Variants in RNF213 observed in about 807,000 individuals in gnomAD.
The protein encoded by RNF213 is ring finger protein 213, also known as E3 ubiquitin-protein ligase RNF213.
Under a neutral mutation model 514.4 loss-of-function variants are expected in RNF213, and 341 were observed. The ratio of observed to expected loss-of-function variants is 0.66; its 90% CI spans 0.61 to 0.73. The LOEUF is 0.73. Among genes scored for constraint, RNF213 ranks in the 30% least tolerant of loss-of-function variants. The pLI is 0.00. For synonymous variants in RNF213, 2,655 were observed against 2,658.2 expected, an observed-to-expected ratio of 1.00 and a Z score of 0.04; for missense variants, 5,767 against 6,615.6, an observed-to-expected ratio of 0.87 and a Z score of 4.45.
Position 80,383,896 on chromosome 17 carries a change from A to G in RNF213, c.14290A>G (p.Arg4764Gly). The change falls in exon 59 of 68, where the codon AGA (arginine) becomes GGA (glycine). Residue 4764 changes from arginine to glycine, a missense_variant. Physicochemically the swap from Arg to Gly is moderately radical, Grantham distance 125 (BLOSUM62 -2). This residue lies in a region of RNF213 where 1,245 missense variants were observed against 1,339.0 expected (regional missense o/e 0.93). Transcript: ENST00000582970. ...HIVEQKNGKE[R>G]VPILWHFLQK... ...TGTGGAACAGAAAAATGGCAAAGAAAGAGTGCCCATCCTCTGGCATTTCCT... is the reference window on the plus strand; with the variant it reads ...TGTGGAACAGAAAAATGGCAAAGAAGGAGTGCCCATCCTCTGGCATTTCCT... 6.2e-7 allele frequency: 1 copy of G among 1,614,218 alleles called. No individual in the cohort carries two copies. The highest frequency in any genetic ancestry group is 1.1e-5 in the South Asian group (1 of 91,082).
chr17:80,270,794 A>C (rs1056092791), intron 2 of RNF213, among the ~76,000 whole-genome samples: 14 of 152,122 alleles, frequency 9.2e-5, no homozygotes, highest in African/African-American at 3.4e-4. Context: ...GTGCTGGGTC[A>C]CCGTTGCCCA....
At chr17:80,286,752 A>G (rs1250555302) in intron 3 of RNF213, among the ~76,000 whole-genome samples, 2 of 152,052 alleles carry the variant, frequency 1.3e-5, no homozygotes, top group African/African-American at 4.8e-5. Flanking sequence ...ATCACACACC[A>G]CCAGGTTTCA....
chr17:80,372,800 A>G (rs1338266842), intron 48 of RNF213, 66 bp downstream of exon 48: 1 of 1,518,080 alleles, frequency 6.6e-7, no homozygotes, highest in Non-Finnish European at 9.1e-7. Context: ...TTCAGGAAGT[A>G]TGGGAAACTA....
intron 47 of RNF213, 141 bp downstream of exon 47, chr17:80,372,126 C>T (rs1255561461): frequency 2.2e-5 from 15 of 681,854 alleles, no homozygotes; most frequent in South Asian, 2.0e-4. Context: ...TTCAAAGACG[C>T]GGCTTCTGCC....
In RNF213 at chr17:80,291,151, G is replaced by A. The variant is rs899468267; in HGVS notation, c.1271+423G>A. Among the ~76,000 whole-genome samples the A allele has an allele frequency of 5.9e-5, 9 of 152,098 alleles. No homozygotes were observed. In the East Asian group the frequency reaches 1.5e-3, roughly 26 times the overall value. The stretch of plus-strand genomic sequence containing the variant: ...ATCCAGTGAGTTGATGACATTCTTC[G>A]GGTTCTGGAAGATGAATATTTCAGA... On this transcript the variant is annotated intron_variant, in intron 7 of 67. Transcript: ENST00000582970.
chr17:80,306,035 C>T (rs990956447), intron 11 of RNF213, among the ~76,000 whole-genome samples: 2 of 151,882 alleles, frequency 1.3e-5, no homozygotes, highest in African/African-American at 4.8e-5. Flanking sequence ...TCACTAGGTT[C>T]CCCAGGCTGG....
At chr17:80,340,606 G>GT in intron 26 of RNF213, 1 of 215,268 alleles carries the variant, frequency 4.6e-6, no homozygotes, top group Non-Finnish European at 8.4e-6. Context: ...AGTGTACTTT[G>GT]TGGTTTTTTT....
Position 80,289,888 on chromosome 17 carries a change from C to G in RNF213, c.1112+51C>G. The G allele has an allele frequency of 2.0e-6, 3 of 1,534,238 alleles. 1 individual carries two copies. In the South Asian group the frequency reaches 3.5e-5, roughly 18 times the overall value. On this transcript the variant is annotated intron_variant, in intron 6 of 67. Transcript: ENST00000582970. ...AAGGAGACCCTGCCTGAGAGCCCGG[C>G]ACACCCTCTCCCTGCACAACTCTCA... is the stretch of plus-strand genomic sequence containing the variant.
intron 13 of RNF213, among the ~76,000 whole-genome samples, chr17:80,308,234 C>T (rs61118700): frequency 0.29 from 44,677 of 151,486 alleles, 9,581 homozygotes; most frequent in African/African-American, 0.61. Flanking sequence ...ACGTCTCTGC[C>T]GATGTTGATC....
intron 36 of RNF213, among the ~76,000 whole-genome samples, chr17:80,358,039 A>G (rs151335315): frequency 6.6e-6 from 1 of 152,334 alleles, no homozygotes; most frequent in East Asian, 1.9e-4. Flanking sequence ...CCAGTAACCT[A>G]ATGACAGTTT....
chr17:80,307,035 T>G, intron 12 of RNF213, 93 bp from the exon 13 acceptor site: 1 of 1,207,256 alleles, frequency 8.3e-7, no homozygotes, highest in Non-Finnish European at 1.2e-6. Context: ...GTATACCATA[T>G]TGATGTTGGA....
At chr17:80,281,552 C>CCTCTCATCCCACTCACACATA (rs2044291844) in intron 3 of RNF213, among the ~76,000 whole-genome samples, 13 of 105,296 alleles carry the variant, frequency 1.2e-4, no homozygotes, top group Non-Finnish European at 1.7e-4. Context: ...CTCACACACC[C>CCTCTCATCCCACTCACACATA]CCCAAGACAA....
chr17:80,369,196 C>T (rs1367472470), intron 44 of RNF213, among the ~76,000 whole-genome samples: 1 of 151,812 alleles, frequency 6.6e-6, no homozygotes, highest in African/African-American at 2.4e-5. Context: ...GTCAGCAGTT[C>T]GAAACCAGCC....
intron 65 of RNF213, 27 bp from the exon 66 acceptor site, chr17:80,389,801 C>A (rs956384556): frequency 1.3e-6 from 2 of 1,597,626 alleles, no homozygotes; most frequent in Non-Finnish European, 8.6e-7. Flanking sequence ...CCTCAGCCCC[C>A]ACTCAGGAAT....
At chr17:80,290,414 C>CAT (rs1555645071) in intron 6 of RNF213, among the ~76,000 whole-genome samples, 156 bp from the exon 7 acceptor site, 5,786 of 146,694 alleles carry the variant, frequency 0.039, 353 homozygotes, top group African/African-American at 0.14. Flanking sequence ...TGTGTGTGTG[C>CAT]GTGTGTGCGA....
At position 80,328,019 on chromosome 17, in the gene RNF213, C is replaced by T. The variant is rs1241837699; in HGVS notation, c.3367+30C>T. On this transcript the variant is annotated intron_variant, in intron 19 of 67. Transcript: ENST00000582970. ...GCATCGAGTCGATACGCACTTCAGG[C>T]TCCTGAGGCATTAAGTAGCTGGAAG... 11 of 1,535,216 alleles carry T rather than the reference C, an allele frequency of 7.2e-6. No homozygotes were observed. In the Admixed American group the frequency reaches 2.2e-4, roughly 30 times the overall value.
chr17:80,372,057 T>C, intron 47 of RNF213, 72 bp downstream of exon 47: 1 of 880,594 alleles, frequency 1.1e-6, no homozygotes, highest in Admixed American at 1.7e-5. Context: ...ATTTACAGAA[T>C]ATAATTTTAG....
chr17:80,278,995 G>A, intron 3 of RNF213: 1 of 1,505,338 alleles, frequency 6.6e-7, no homozygotes, highest in Non-Finnish European at 8.9e-7. Flanking sequence ...CGCACTTCCG[G>A]CCCTTGAGTC....
In RNF213 at chr17:80,380,937, C is replaced by T. The variant is rs1599190981; in HGVS notation, c.13747C>T (p.Arg4583Trp). 6.2e-7 allele frequency: 1 copy of T among 1,614,190 alleles called. No homozygotes were observed. Among genetic ancestry groups the T allele is most frequent in the Non-Finnish European group, 8.5e-7 (1 of 1,180,032 alleles). Residue 4583 changes from arginine to tryptophan, a missense_variant, in exon 56 of 68, where the codon CGG becomes TGG. Around this residue, in one of 13 missense-constraint regions of RNF213, gnomAD observed 1,245 missense variants for 1,339.0 expected, o/e 0.93. Coordinates refer to ENST00000582970, the MANE Select transcript of RNF213 (RefSeq NM_001256071.3). Reference protein sequence around the residue: ...GLPPVVFLLIRLLTHLALLLG... With the variant: ...GLPPVVFLLIWLLTHLALLLG... ...GCCCCCAGTGGTCTTCCTCCTTATCCGGCTACTCACTCACTTGGCTCTGCT... is the reference window on the plus strand; with the variant it reads ...GCCCCCAGTGGTCTTCCTCCTTATCTGGCTACTCACTCACTTGGCTCTGCT...
Sources: gnomAD v4.1 joint callset for allele counts (sites outside exome capture counted in the v4.1 genomes callset) on GRCh38, gnomAD v4.1.1 for gene constraint, gnomAD v4.1.1 regional missense constraint, MANE v1.5 for transcripts, NCBI Gene and HGNC (gene_info 2026-07-23, HGNC 2026-07-21) for gene names.